The following WDR7 variants were observed in gnomAD, a reference collection of about 807,000 sequenced individuals.
WDR7 encodes the protein WD repeat domain 7, also known as WD repeat-containing protein 7.
Under a neutral mutation model 169.4 loss-of-function variants are expected in WDR7, and 46 were observed. That is an observed-to-expected ratio of 0.27 (90% CI 0.21 to 0.35). WDR7 has a LOEUF of 0.35. Among genes scored for constraint, WDR7 ranks in the 10% least tolerant of loss-of-function variants. The pLI is 1.00. For synonymous variants in WDR7, 612 were observed against 666.8 expected (o/e 0.92, Z 1.27); for missense variants, 1,534 against 1,859.3 (o/e 0.83, Z 3.22).
chr18:56,981,411 A>T (rs1352730254), intron 26 of WDR7, among the ~76,000 whole-genome samples: 3 of 152,072 alleles, frequency 2.0e-5, no homozygotes, highest in Non-Finnish European at 4.4e-5. Flanking sequence ...GAGCACAGAC[A>T]TGTCTGTGCT....
chr18:56,807,688 A>G (rs1487536984), intron 19 of WDR7, among the ~76,000 whole-genome samples: 3 of 151,374 alleles, frequency 2.0e-5, no homozygotes, highest in Non-Finnish European at 4.4e-5. Context: ...AAAAAAAAAT[A>G]CTAGTTAGGA....
intron 19 of WDR7, among the ~76,000 whole-genome samples, chr18:56,800,625 G>T (rs2044656356): frequency 6.6e-6 from 1 of 152,114 alleles, no homozygotes; most frequent in Non-Finnish European, 1.5e-5. Flanking sequence ...CAAAGACCCA[G>T]CGCCAGACCC....
At position 56,879,991 on chromosome 18, in the gene WDR7, G is replaced by A. The variant is rs893605460; in HGVS notation, c.3352G>A (p.Glu1118Lys). The A allele has an allele frequency of 3.1e-6, 5 of 1,613,836 alleles. No homozygotes were observed. The highest frequency in any genetic ancestry group is 1.7e-5 in the Admixed American group (1 of 59,980). ...AATGAAAAAAATTTCTACATCTTAC[G>A]AGGAAAGACGGAAGCAAGCTACCGC... ...PQMKKISTSY[E>K]ERRKQATAIV... is the part of the protein sequence containing the mutation. Residue 1118 changes from glutamate to lysine, a missense_variant, in exon 21 of 28, where the codon GAG (glutamate) becomes AAG (lysine). Transcript: ENST00000254442.
chr18:56,708,093 G>A (rs1273009951), intron 12 of WDR7, among the ~76,000 whole-genome samples: 1 of 150,342 alleles, frequency 6.7e-6, no homozygotes, highest in Non-Finnish European at 1.5e-5. Context: ...GAATACAGTG[G>A]CGCTATCTCT....
intron 26 of WDR7, among the ~76,000 whole-genome samples, chr18:57,004,043 A>G (rs1225219878): frequency 6.6e-6 from 1 of 151,882 alleles, no homozygotes; most frequent in Non-Finnish European, 1.5e-5. Flanking sequence ...GCGCACACAC[A>G]CACCCTAGCC....
Position 57,027,157 on chromosome 18 carries a change from A to C in WDR7, c.4423A>C (p.Asn1475His). Reference sequence around the variant, plus strand: ...CCGGCTCATCTGGACTTCCAACCGCAACGTCATCCTCATGGCCCATGACGG... The same window carrying C: ...CCGGCTCATCTGGACTTCCAACCGCCACGTCATCCTCATGGCCCATGACGG... ...LARLIWTSNR[N>H]VILMAHDGKE... is the part of the protein sequence containing the mutation. The change falls in exon 28 of 28, where the codon AAC becomes CAC. Residue 1475 changes from asparagine to histidine, a missense_variant. Transcript: ENST00000254442. The C allele has an allele frequency of 6.2e-7, 1 of 1,614,140 alleles. No individual in the cohort carries two copies. The highest frequency in any genetic ancestry group is 8.5e-7 in the Non-Finnish European group (1 of 1,180,028).
At chr18:56,763,211 G>T (rs768230602) in intron 16 of WDR7, among the ~76,000 whole-genome samples, 3 of 152,092 alleles carry the variant, frequency 2.0e-5, no homozygotes, top group Non-Finnish European at 4.4e-5. Flanking sequence ...CTCCCACAGT[G>T]CTGGGATTAC....
intron 25 of WDR7, among the ~76,000 whole-genome samples, chr18:56,940,879 A>G (rs1483532016): frequency 6.6e-6 from 1 of 152,136 alleles, no homozygotes; most frequent in East Asian, 1.9e-4. Context: ...TCCACAAGCC[A>G]TATACTCAAT....
intron 26 of WDR7, among the ~76,000 whole-genome samples, chr18:56,970,112 T>C (rs1162677372): frequency 6.6e-6 from 1 of 152,200 alleles, no homozygotes; most frequent in Admixed American, 6.5e-5. Context: ...CTAATTATTA[T>C]TTAACCATCG....
At chr18:56,758,834 T>C in intron 15 of WDR7, 31 bp from the exon 16 acceptor site, 1 of 1,537,034 alleles carries the variant, frequency 6.5e-7, no homozygotes, top group South Asian at 1.2e-5. Context: ...AGTATCAAAA[T>C]ATATCTTGTA....
intron 25 of WDR7, among the ~76,000 whole-genome samples, chr18:56,961,647 T>A (rs973631292): frequency 1.3e-5 from 2 of 152,156 alleles, no homozygotes; most frequent in African/African-American, 4.8e-5. Flanking sequence ...AGACAAGGAA[T>A]TCAAATACTT....
chr18:56,774,215 T>A (rs1294406568), intron 16 of WDR7, among the ~76,000 whole-genome samples: 1 of 152,086 alleles, frequency 6.6e-6, no homozygotes, highest in Non-Finnish European at 1.5e-5. Flanking sequence ...AGAATCAAAT[T>A]TAAATGGAGT....
At chr18:56,940,495 T>C (rs1176123323) in intron 25 of WDR7, among the ~76,000 whole-genome samples, 8 of 152,222 alleles carry the variant, frequency 5.3e-5, no homozygotes, top group African/African-American at 1.9e-4. Context: ...AGATGCATAT[T>C]TTCTTGTGAT....
chr18:56,719,189 G>A (rs755908140), intron 13 of WDR7, among the ~76,000 whole-genome samples: 3 of 152,178 alleles, frequency 2.0e-5, no homozygotes, highest in Non-Finnish European at 4.4e-5. Flanking sequence ...GAAGAAAGAT[G>A]AGCCCACATC....
At chr18:57,018,247 G>A (rs2048235396) in intron 26 of WDR7, among the ~76,000 whole-genome samples, 1 of 152,236 alleles carries the variant, frequency 6.6e-6, no homozygotes, top group Admixed American at 6.5e-5. Flanking sequence ...ACAGAGTTGG[G>A]CTTTGGGGGC....
intron 20 of WDR7, among the ~76,000 whole-genome samples, chr18:56,837,220 A>G (rs2045409865): frequency 6.6e-6 from 1 of 152,246 alleles, no homozygotes; most frequent in African/African-American, 2.4e-5. Context: ...AACTATTCAG[A>G]TAAAGCTTTT....
Position 56,665,889 on chromosome 18 carries a change from A to G in WDR7, c.-19-6608A>G, listed in dbSNP as rs1294804877. Among the ~76,000 whole-genome samples, 3 of 152,168 alleles carry G rather than the reference A, an allele frequency of 2.0e-5. No homozygotes were observed. In the East Asian group the frequency reaches 5.8e-4, roughly 29 times the overall value. On this transcript the variant is annotated intron_variant, in intron 1 of 27. Transcript: ENST00000254442. ...TTAAAGTTGAGTCGTGATGAGTCTCAGAGGAGTCTCAGTTGACCCTGGGGG... is the reference window on the plus strand; with the variant it reads ...TTAAAGTTGAGTCGTGATGAGTCTCGGAGGAGTCTCAGTTGACCCTGGGGG...
Position 56,718,138 on chromosome 18 carries a change from T to C in WDR7, c.1753T>C (p.Tyr585His), listed in dbSNP as rs777047036. ...LVVGCSDGSVYVWQMDTGALD... is the reference protein window; with the variant it reads ...LVVGCSDGSVHVWQMDTGALD... ...GGTGGGGTGTTCAGATGGTTCTGTGTACGTCTGGCAAATGGATACTGGTAA... is the reference window on the plus strand; with the variant it reads ...GGTGGGGTGTTCAGATGGTTCTGTGCACGTCTGGCAAATGGATACTGGTAA... The change falls in exon 13 of 28, where the codon TAC becomes CAC. Residue 585 changes from tyrosine to histidine, a missense_variant. Physicochemically the swap from Tyr to His is moderately conservative, Grantham distance 83. Coordinates refer to ENST00000254442, the MANE Select transcript of WDR7 (RefSeq NM_015285.3). 9.9e-6 allele frequency: 16 copies of C among 1,612,834 alleles called. No homozygotes were observed.
At chr18:56,782,383 G>A (rs548797248) in intron 19 of WDR7, among the ~76,000 whole-genome samples, 49 of 151,490 alleles carry the variant, frequency 3.2e-4, no homozygotes, top group Non-Finnish European at 5.9e-4. Context: ...TTTTTTTAAG[G>A]TCCCTCAGTT....
Sources: allele counts gnomAD v4.1 joint callset (sites outside exome capture counted in the v4.1 genomes callset), GRCh38; gene constraint gnomAD v4.1.1; transcripts MANE v1.5; gene names NCBI Gene and HGNC (gene_info 2026-07-23, HGNC 2026-07-21).